Variants in TBC1D22A observed in about 807,000 individuals in gnomAD.
TBC1D22A encodes TBC1 domain family member 22A, also known as putative GTPase activator.
Under a neutral mutation model 60.2 loss-of-function variants are expected in TBC1D22A, and 38 were observed. The observed-to-expected ratio is 0.63, with a 90% confidence interval of 0.49 to 0.83. TBC1D22A has a LOEUF of 0.83. Among genes scored for constraint, TBC1D22A ranks in the 40% least tolerant of loss-of-function variants. TBC1D22A has a pLI of 0.00. For synonymous variants in TBC1D22A, 302 were observed against 281.7 expected (o/e 1.07, Z -0.72); for missense variants, 628 against 701.0 (o/e 0.90, Z 1.18).
chr22:46,988,201 T>C (rs549076817), intron 9 of TBC1D22A, among the ~76,000 whole-genome samples: 1 of 152,354 alleles, frequency 6.6e-6, no homozygotes, highest in African/African-American at 2.4e-5. Context: ...AATTCTGTTG[T>C]CTATTTCCAC....
rs199873376 is a variant in TBC1D22A, at chr22:46,942,026, T to A, written c.1015+29838T>A. On this transcript the variant is annotated intron_variant, in intron 8 of 12. Transcript: ENST00000337137. ...CAGCATACATATATATATATATATATTATATATATATATACACACAGTCCA... is the reference window on the plus strand; with the variant it reads ...CAGCATACATATATATATATATATAATATATATATATATACACACAGTCCA... Among the ~76,000 whole-genome samples, 708 of 137,390 alleles carry A rather than the reference T, an allele frequency of 5.2e-3. 7 individuals are homozygous for A. The highest frequency in any genetic ancestry group is 0.016 in the African/African-American group (601 of 36,918). The allele number at this position is 137,390 out of a possible 152,430, so 90.1% of individuals were successfully genotyped here.
chr22:47,045,309 C>T (rs772692881), intron 11 of TBC1D22A, among the ~76,000 whole-genome samples: 1 of 152,158 alleles, frequency 6.6e-6, no homozygotes, highest in Non-Finnish European at 1.5e-5. Context: ...CGGCTGCGCT[C>T]CTCCGCGGTT....
chr22:46,956,603 T>TGTGGTGGGATGTGTA lies in TBC1D22A; in HGVS notation c.1016-17684_1016-17683insGTGGGATGTGTAGTG, dbSNP rs1421764313. On this transcript the variant is annotated intron_variant, in intron 8 of 12. Transcript: ENST00000337137. ...CTGGTCAGCTCTGAGTTGAAGGCGT[T>TGTGGTGGGATGTGTA]GTGCTGGGATGTGTAGTGCCCTGTC... Among the ~76,000 whole-genome samples the TGTGGTGGGATGTGTA allele has an allele frequency of 5.3e-5, 8 of 152,280 alleles. No individual in the cohort carries two copies. In the East Asian group the frequency reaches 1.5e-3, roughly 29 times the overall value.
intron 11 of TBC1D22A, among the ~76,000 whole-genome samples, chr22:47,082,885 C>T (rs1359554830): frequency 2.0e-5 from 3 of 152,108 alleles, no homozygotes; most frequent in Admixed American, 6.6e-5. Context: ...TTTATGTCCA[C>T]AAAAAAGTAC....
intron 11 of TBC1D22A, among the ~76,000 whole-genome samples, chr22:47,044,578 C>A (rs77734116): frequency 6.6e-6 from 1 of 152,170 alleles, no homozygotes; most frequent in Non-Finnish European, 1.5e-5. Flanking sequence ...AGCTGGTCTC[C>A]GTACATTGTA....
At chr22:47,124,372 CCT>C (rs2066377566) in intron 12 of TBC1D22A, among the ~76,000 whole-genome samples, 1 of 152,162 alleles carries the variant, frequency 6.6e-6, no homozygotes, top group Non-Finnish European at 1.5e-5. Context: ...ACAGCAAACC[CCT>C]GAGTGAAGCA....
intron 12 of TBC1D22A, among the ~76,000 whole-genome samples, chr22:47,142,563 TATC>T (rs1477637374): frequency 1.3e-3 from 72 of 56,230 alleles, no homozygotes; most frequent in Non-Finnish European, 1.5e-3. Context: ...CCCACCCATC[TATC>T]CACCTACCCA....
chr22:47,059,308 C>T (rs543832396), intron 11 of TBC1D22A, among the ~76,000 whole-genome samples: 29 of 152,366 alleles, frequency 1.9e-4, no homozygotes, highest in Admixed American at 1.4e-3. Context: ...CCTTTCTTGA[C>T]GCTGTAAGAG....
chr22:46,928,114 C>A lies in TBC1D22A; in HGVS notation c.1015+15926C>A, dbSNP rs950213772. Among the ~76,000 whole-genome samples, 10 of 121,062 alleles carry A rather than the reference C, an allele frequency of 8.3e-5. No homozygotes were observed. In the Admixed American group the frequency reaches 9.6e-4, roughly 12 times the overall value. The allele number at this position is 121,062 out of a possible 152,430, so 79.4% of individuals were successfully genotyped here. A position where few individuals can be genotyped will look rare whatever the true frequency, so the allele number is the denominator to read the frequency against. On this transcript the variant is annotated intron_variant, in intron 8 of 12. Coordinates refer to ENST00000337137, the MANE Select transcript of TBC1D22A (RefSeq NM_014346.5). ...GGGAATTAAAAGAACCCGGAATAGC[C>A]GTAACAGTCTTGAAAAAAAAAAAAA...
At chr22:47,156,049 C>A (rs770775662) in intron 12 of TBC1D22A, among the ~76,000 whole-genome samples, 1 of 152,156 alleles carries the variant, frequency 6.6e-6, no homozygotes, top group Non-Finnish European at 1.5e-5. Flanking sequence ...GCCCCTCCCC[C>A]TGCTGGTGAG....
chr22:46,810,494 G>A (rs879181937), intron 4 of TBC1D22A, among the ~76,000 whole-genome samples: 6 of 151,766 alleles, frequency 4.0e-5, no homozygotes, highest in Non-Finnish European at 2.9e-5. Context: ...GTAAGATTTA[G>A]TATATAGGTA....
chr22:46,867,152 A>G (rs188276263), intron 4 of TBC1D22A, among the ~76,000 whole-genome samples: 104 of 152,364 alleles, frequency 6.8e-4, no homozygotes, highest in Admixed American at 3.0e-3. Context: ...CTGTAGATCA[A>G]TGAAGAATAG....
chr22:47,114,306 C>G (rs1252110006), intron 12 of TBC1D22A, among the ~76,000 whole-genome samples: 2 of 151,836 alleles, frequency 1.3e-5, no homozygotes, highest in African/African-American at 4.8e-5. Context: ...ACTCTGAGAG[C>G]CTGTGGGGCC....
At chr22:47,089,826 A>G (rs565245197) in intron 11 of TBC1D22A, among the ~76,000 whole-genome samples, 9 of 152,304 alleles carry the variant, frequency 5.9e-5, no homozygotes, top group African/African-American at 2.2e-4. Context: ...AATTGGTTCA[A>G]TAAGACTTTT....
At chr22:47,114,065 TG>T (rs2065943457) in intron 12 of TBC1D22A, among the ~76,000 whole-genome samples, 1 of 152,208 alleles carries the variant, frequency 6.6e-6, no homozygotes, top group Non-Finnish European at 1.5e-5. Context: ...CGCAGCTCAT[TG>T]GGCTTTTCTG....
intron 12 of TBC1D22A, among the ~76,000 whole-genome samples, chr22:47,135,706 G>A (rs1047270645): frequency 6.6e-6 from 1 of 152,276 alleles, no homozygotes; most frequent in African/African-American, 2.4e-5. Flanking sequence ...AGATCCTGGT[G>A]CCTAGATTAG....
At chr22:47,048,706 A>T (rs2063107859) in intron 11 of TBC1D22A, among the ~76,000 whole-genome samples, 1 of 151,874 alleles carries the variant, frequency 6.6e-6, no homozygotes, top group Admixed American at 6.5e-5. Context: ...TAGTGAACGG[A>T]GCTTGCTGTG....
chr22:46,944,016 G>A (rs573848801), intron 8 of TBC1D22A, among the ~76,000 whole-genome samples: 1 of 152,188 alleles, frequency 6.6e-6, no homozygotes, highest in Non-Finnish European at 1.5e-5. Context: ...TAAGCATTTA[G>A]TATAGTTTCT....
chr22:47,135,005 AG>A (rs1282130575), intron 12 of TBC1D22A, among the ~76,000 whole-genome samples: 1 of 152,196 alleles, frequency 6.6e-6, no homozygotes, highest in Non-Finnish European at 1.5e-5. Flanking sequence ...CCGCTCCCTC[AG>A]GCCTCAGCCA....
Sources: gnomAD v4.1 joint callset for allele counts (sites outside exome capture counted in the v4.1 genomes callset) on GRCh38, gnomAD v4.1.1 for gene constraint, MANE v1.5 for transcripts, NCBI Gene and HGNC (gene_info 2026-07-23, HGNC 2026-07-21) for gene names.